Variants in FAM227A observed in about 807,000 individuals in gnomAD.
The protein encoded by FAM227A is protein FAM227A.
A neutral mutation model predicts 74.7 loss-of-function variants in FAM227A; 80 were observed. That is an observed-to-expected ratio of 1.07 (90% CI 0.89 to 1.29). The LOEUF (loss-of-function observed/expected upper bound fraction) is 1.29. FAM227A is among the 50% of genes most tolerant of loss of function. The probability of loss-of-function intolerance (pLI) is 0.00; values close to 1 mark genes in which losing one functional copy is unlikely to be tolerated. For synonymous variants in FAM227A, 237 were observed against 241.8 expected (o/e 0.98, Z 0.19); for missense variants, 654 against 683.4 (o/e 0.96, Z 0.48).
chr22:38,605,165 T>C (rs1482303614), intron 13 of FAM227A, 89 bp downstream of exon 13: 1 of 756,672 alleles, frequency 1.3e-6, no homozygotes, highest in Non-Finnish European at 2.2e-6. Flanking sequence ...ATAGTAAATA[T>C]TCATTAAATG....
chr22:38,623,232 G>A lies in FAM227A; in HGVS notation c.898C>T (p.Leu300=). Residue 300 remains leucine, a synonymous_variant, in exon 10 of 17, where the codon CTA becomes TTA. Transcript: ENST00000535113. Reference sequence around the variant, plus strand: ...TCTCTGCGGAATCGCTCTGGGTCTAGTTCCGAGTAGTCCCAGCTGTCATAG... The same window carrying A: ...TCTCTGCGGAATCGCTCTGGGTCTAATTCCGAGTAGTCCCAGCTGTCATAG... ...QSYDSWDYSE[L]DPERFRREEL... 1.3e-6 allele frequency: 2 copies of A among 1,551,650 alleles called. No individual in the cohort carries two copies. The highest frequency in any genetic ancestry group is 1.7e-6 in the Non-Finnish European group (2 of 1,146,940).
At chr22:38,641,976 C>T (rs928765606) in intron 3 of FAM227A, among the ~76,000 whole-genome samples, 38 of 123,160 alleles carry the variant, frequency 3.1e-4, no homozygotes, top group East Asian at 6.7e-4. Context: ...TGTGTGTGTG[C>T]GCACGTGTGT....
rs189705318 is a variant in FAM227A, at chr22:38,578,196, C to T, written c.*7929G>A. The stretch of plus-strand genomic sequence containing the variant: ...TATATGACTGGCAGGCAACACAGTA[C>T]ATTTGTTCACACCAACATCACCACA... On this transcript the variant is annotated 3_prime_UTR_variant, in exon 17 of 17. Transcript: ENST00000535113. 98 of 152,264 alleles carry T rather than the reference C, an allele frequency of 6.4e-4. No homozygotes were observed. The highest frequency in any genetic ancestry group is 2.2e-3 in the African/African-American group (93 of 41,548). 9.4% of individuals were successfully genotyped at this position (152,264 alleles called of 1,614,324 possible). A position where few individuals can be genotyped will look rare whatever the true frequency, so the allele number is the denominator to read the frequency against.
Position 38,628,235 on chromosome 22 carries a change from C to T in FAM227A, c.726+3G>A. On this transcript the variant is annotated splice_donor_region_variant and intron_variant, in intron 8 of 16. Coordinates refer to ENST00000535113, the MANE Select transcript of FAM227A (RefSeq NM_001013647.2). ...TTTTTTCTAGATAGTGGCTGATGCT[C>T]ACTTTTAAGAGCGCCTCTTCAGAGT... 1 of 1,525,190 alleles carries T rather than the reference C, an allele frequency of 6.6e-7. No individual in the cohort carries two copies. Among genetic ancestry groups the T allele is most frequent in the Non-Finnish European group, 8.9e-7 (1 of 1,123,366 alleles). The allele number at this position is 1,525,190 out of a possible 1,614,324, so 94.5% of individuals were successfully genotyped here.
intron 15 of FAM227A, among the ~76,000 whole-genome samples, chr22:38,594,679 G>A (rs1042741082): frequency 2.0e-5 from 3 of 152,110 alleles, no homozygotes; most frequent in Non-Finnish European, 4.4e-5. Flanking sequence ...TAACTCAATT[G>A]TGGCCGGGTG....
intron 1 of FAM227A, among the ~76,000 whole-genome samples, chr22:38,651,338 CTG>C (rs1307596972): frequency 6.6e-6 from 1 of 152,178 alleles, no homozygotes; most frequent in Non-Finnish European, 1.5e-5. Context: ...TATGGATTAA[CTG>C]TGATTCCTTT....
At chr22:38,615,824 T>C (rs1172700854) in intron 11 of FAM227A, among the ~76,000 whole-genome samples, 1 of 152,004 alleles carries the variant, frequency 6.6e-6, no homozygotes, top group Non-Finnish European at 1.5e-5. Flanking sequence ...GTGCTACAAG[T>C]AAAAGAAAGG....
At chr22:38,600,916 C>A (rs1317183442) in intron 13 of FAM227A, among the ~76,000 whole-genome samples, 5 of 149,718 alleles carry the variant, frequency 3.3e-5, no homozygotes, top group Non-Finnish European at 5.9e-5. Context: ...TGCACCATTG[C>A]GCTCCAGCCT....
At chr22:38,626,891 A>AAAATATAT (rs1555966996) in intron 8 of FAM227A, among the ~76,000 whole-genome samples, 13 of 57,688 alleles carry the variant, frequency 2.3e-4, no homozygotes, top group African/African-American at 9.6e-4. Context: ...AAAAAAAAAA[A>AAAATATAT]ATATATATAT....
intron 6 of FAM227A, among the ~76,000 whole-genome samples, chr22:38,631,600 G>A (rs946954501): frequency 3.3e-5 from 5 of 152,132 alleles, no homozygotes; most frequent in Non-Finnish European, 2.9e-5. Flanking sequence ...TCAGAGACGG[G>A]GAAAGCGTGT....
chr22:38,626,708 A>T (rs1470102137), intron 8 of FAM227A, among the ~76,000 whole-genome samples: 3 of 149,556 alleles, frequency 2.0e-5, no homozygotes, highest in African/African-American at 4.9e-5. Context: ...TACTAAAAAT[A>T]AAAAAAATAA....
At position 38,650,078 on chromosome 22, in the gene FAM227A, G is replaced by A. The variant is rs577824828; in HGVS notation, c.91C>T (p.Arg31Trp). ...DEHLAVSLVARNTMVKTVRKE... is the reference protein window; with the variant it reads ...DEHLAVSLVAWNTMVKTVRKE... ...CTCACAGTCTTCACCATTGTATTCC[G>A]TGCGACAAGCGAGACAGCCAGGTGC... The change falls in exon 2 of 17, where the codon CGG (arginine) becomes TGG (tryptophan). Residue 31 changes from arginine (R) to tryptophan (W), a missense_variant. Physicochemically the swap from Arg to Trp is moderately radical, Grantham distance 101. Transcript: ENST00000535113. 21 of 1,552,084 alleles carry A rather than the reference G, an allele frequency of 1.4e-5. No individual in the cohort carries two copies. The highest frequency in any genetic ancestry group is 1.2e-4 in the South Asian group (10 of 84,058).
chr22:38,645,886 C>T (rs1396835096), intron 2 of FAM227A, among the ~76,000 whole-genome samples: 4 of 152,082 alleles, frequency 2.6e-5, no homozygotes, highest in Non-Finnish European at 4.4e-5. Flanking sequence ...CGGGCTCAAT[C>T]GATCCTCCCA....
At chr22:38,635,864 T>C (rs924815550) in intron 6 of FAM227A, among the ~76,000 whole-genome samples, 2 of 151,656 alleles carry the variant, frequency 1.3e-5, no homozygotes, top group Non-Finnish European at 2.9e-5. Flanking sequence ...AACTAGCCAG[T>C]GTGGTGGTGC....
At chr22:38,640,925 GT>G (rs969349348) in intron 3 of FAM227A, among the ~76,000 whole-genome samples, 2 of 152,114 alleles carry the variant, frequency 1.3e-5, no homozygotes, top group Non-Finnish European at 2.9e-5. Flanking sequence ...TGTGCCAGTG[GT>G]GGGGGGGCGG....
intron 3 of FAM227A, among the ~76,000 whole-genome samples, chr22:38,643,245 G>A (rs1343489318): frequency 1.3e-5 from 2 of 151,950 alleles, no homozygotes; most frequent in African/African-American, 4.8e-5. Flanking sequence ...GAACCTGGGA[G>A]GTAGAGGTTG....
intron 11 of FAM227A, among the ~76,000 whole-genome samples, chr22:38,617,723 G>A (rs2091608775): frequency 6.6e-6 from 1 of 152,178 alleles, no homozygotes; most frequent in Non-Finnish European, 1.5e-5. Flanking sequence ...CGGGGAGGCT[G>A]GGCCTGGTGG....
intron 13 of FAM227A, among the ~76,000 whole-genome samples, chr22:38,603,589 T>C (rs1173120015): frequency 6.6e-6 from 1 of 152,030 alleles, no homozygotes; most frequent in South Asian, 2.1e-4. Flanking sequence ...TATACACAAA[T>C]ACATGCACAC....
intron 11 of FAM227A, among the ~76,000 whole-genome samples, chr22:38,613,177 TTATATATAA>T (rs2091469974): frequency 1.2e-5 from 1 of 81,498 alleles, no homozygotes; most frequent in African/African-American, 5.8e-5. Flanking sequence ...TGTATATATA[TTATATATAA>T]TATATATATA....
Sources: allele counts gnomAD v4.1 joint callset (sites outside exome capture counted in the v4.1 genomes callset), GRCh38; gene constraint gnomAD v4.1.1; transcripts MANE v1.5; gene names NCBI Gene and HGNC (gene_info 2026-07-23, HGNC 2026-07-21).